BLOC1S3: variants seen among roughly 807,000 people sequenced by gnomAD.
BLOC1S3 encodes biogenesis of lysosomal organelles complex 1 subunit 3.
In BLOC1S3, 7 loss-of-function variants were observed where a neutral mutation model predicts 9.1. The ratio of observed to expected loss-of-function variants is 0.77; its 90% CI spans 0.44 to 1.45. The LOEUF (loss-of-function observed/expected upper bound fraction) is 1.45. Ranked by LOEUF, BLOC1S3 falls within the 40% of genes most tolerant of loss-of-function variation. The probability of loss-of-function intolerance (pLI) is 0.01; values close to 1 mark genes in which losing one functional copy is unlikely to be tolerated. For synonymous variants in BLOC1S3, 145 were observed against 158.4 expected (o/e 0.92, Z 0.64); for missense variants, 307 against 315.2 (o/e 0.97, Z 0.20).
downstream of BLOC1S3, among the ~76,000 whole-genome samples, chr19:45,182,452 G>C (rs1969532449): frequency 1.3e-5 from 2 of 150,456 alleles, no homozygotes; most frequent in Admixed American, 1.3e-4. Flanking sequence ...CAGATCACCT[G>C]AGGTCAGGAG....
intron 2 of BLOC1S3, among the ~76,000 whole-genome samples, chr19:45,193,392 A>G (rs1416168243): frequency 5.3e-5 from 8 of 151,958 alleles, no homozygotes; most frequent in Non-Finnish European, 1.0e-4. Context: ...TTGTTTGTAT[A>G]TTGGTTGTAT....
chr19:45,198,087 A>T (rs1969662567), intron 2 of BLOC1S3, among the ~76,000 whole-genome samples: 1 of 152,120 alleles, frequency 6.6e-6, no homozygotes, highest in South Asian at 2.1e-4. Flanking sequence ...CAAGGTCCCG[A>T]ACACTTGCAT....
intron 3 of BLOC1S3, chr19:45,216,250 C>A: frequency 6.3e-7 from 1 of 1,591,706 alleles, no homozygotes; most frequent in Non-Finnish European, 8.5e-7. Context: ...CCTGCCAATT[C>A]CTGCCCCTCC....
chr19:45,185,005 C>T (rs184942137), downstream of BLOC1S3, among the ~76,000 whole-genome samples: 108 of 148,348 alleles, frequency 7.3e-4, no homozygotes, highest in Non-Finnish European at 9.8e-4. Context: ...GGGGTCATGG[C>T]ATGTTTGTAT....
intron 3 of BLOC1S3, among the ~76,000 whole-genome samples, chr19:45,210,079 A>G (rs904253426): frequency 5.3e-5 from 8 of 152,182 alleles, no homozygotes; most frequent in Admixed American, 3.9e-4. Flanking sequence ...AATTATGCAC[A>G]TGAAAAACAT....
intron 3 of BLOC1S3, chr19:45,216,262 G>A (rs1162544979): frequency 8.3e-6 from 13 of 1,573,886 alleles, no homozygotes; most frequent in South Asian, 1.2e-5. Context: ...TGCCCCTCCT[G>A]GCTTGTTATA....
intron 3 of BLOC1S3, among the ~76,000 whole-genome samples, chr19:45,202,852 A>G (rs1969701394): frequency 6.6e-6 from 1 of 151,996 alleles, no homozygotes; most frequent in South Asian, 2.1e-4. Flanking sequence ...AGAGATCTTT[A>G]GTCAGCAAGT....
intron 3 of BLOC1S3, among the ~76,000 whole-genome samples, chr19:45,207,102 G>C (rs561580644): frequency 3.2e-4 from 49 of 151,838 alleles, no homozygotes; most frequent in African/African-American, 1.2e-3. Flanking sequence ...CTTCCAAAGT[G>C]CTGGGATGAC....
rs60192586 is a variant in BLOC1S3, at chr19:45,209,045, G to GTT, written n.282+6547_282+6548dup. Among the ~76,000 whole-genome samples, 5 of 148,394 alleles carry GTT rather than the reference G, an allele frequency of 3.4e-5. 1 individual carries two copies. In the South Asian group the frequency reaches 6.4e-4, roughly 19 times the overall value. Reference sequence around the variant, plus strand: ...TGCACAACATGGTGACTACAGTTTTGTTTTTTTTTTGTTGTTTGTTTGAGA... The same window carrying GTT: ...TGCACAACATGGTGACTACAGTTTTGTTTTTTTTTTTTGTTGTTTGTTTGAGA... On this transcript the variant is annotated intron_variant and non_coding_transcript_variant, in intron 3 of 3. Coordinates refer to the BLOC1S3 transcript ENST00000591569.
intron 2 of BLOC1S3, chr19:45,187,803 C>A (rs1445840949): frequency 6.6e-6 from 1 of 152,140 alleles, no homozygotes; most frequent in African/African-American, 2.4e-5. Context: ...ATGCCCCAGA[C>A]CCTAATACAA....
At chr19:45,212,935 G>T in intron 3 of BLOC1S3, 1 of 1,060,272 alleles carries the variant, frequency 9.4e-7, no homozygotes, top group Non-Finnish European at 1.3e-6. Flanking sequence ...TTGGGGTTGG[G>T]TGAAAAGACA....
chr19:45,179,244 G>C lies in BLOC1S3; in HGVS notation c.-9-44G>C. The stretch of plus-strand genomic sequence containing the variant: ...CCAGGACCTGCGCCTTTTACCCACC[G>C]CGGCGCCGGTCTCACGTGCAGTCCC... On this transcript the variant is annotated intron_variant, in intron 1 of 1. Coordinates refer to ENST00000433642, the MANE Select transcript of BLOC1S3 (RefSeq NM_212550.5). This position sits in a 1 kb window ranked among gnomAD's most constrained non-coding sequence, Gnocchi z 4.6. The C allele has an allele frequency of 6.8e-7, 1 of 1,463,960 alleles. No individual in the cohort carries two copies. Among genetic ancestry groups the C allele is most frequent in the Non-Finnish European group, 9.0e-7 (1 of 1,111,514 alleles). The allele number at this position is 1,463,960 out of a possible 1,614,324, so 90.7% of individuals were successfully genotyped here.
intron 2 of BLOC1S3, chr19:45,187,833 A>G (rs898929267): frequency 6.6e-6 from 1 of 152,156 alleles, no homozygotes; most frequent in Non-Finnish European, 1.5e-5. Flanking sequence ...GTATGTGCAC[A>G]TAACCTATGC....
At chr19:45,188,210 T>A (rs1362351742) in intron 2 of BLOC1S3, among the ~76,000 whole-genome samples, 4 of 151,962 alleles carry the variant, frequency 2.6e-5, no homozygotes, top group Non-Finnish European at 4.4e-5. Context: ...TTTAGTAGAG[T>A]CAAGGTTTCA....
intron 2 of BLOC1S3, among the ~76,000 whole-genome samples, chr19:45,199,916 C>G (rs1452816848): frequency 6.6e-6 from 1 of 152,010 alleles, no homozygotes; most frequent in South Asian, 2.1e-4. Context: ...CAGGCATGCA[C>G]CACCATGCCC....
intron 2 of BLOC1S3, chr19:45,198,773 C>T (rs1303936101): frequency 6.6e-6 from 1 of 152,274 alleles, no homozygotes; most frequent in Non-Finnish European, 1.5e-5. Flanking sequence ...CTCACTGCAA[C>T]CTGCACCTCC....
intron 3 of BLOC1S3, among the ~76,000 whole-genome samples, chr19:45,205,706 G>A (rs1969721116): frequency 6.6e-6 from 1 of 152,080 alleles, no homozygotes; most frequent in Admixed American, 6.6e-5. Flanking sequence ...GAAAAGATAA[G>A]CCAAACAGTG....
rs776189174 is a variant in BLOC1S3 at position 45,179,748 on chromosome 19, C to T, written c.452C>T (p.Ala151Val). Residue 151 changes from alanine to valine, a missense_variant, in exon 2 of 2, where the codon GCG (alanine) becomes GTG (valine). Transcript: ENST00000433642. The surrounding 1 kb of genome is among the most constrained non-coding windows in gnomAD (Gnocchi z 4.6). ...ALASRLAAAQ[A>V]AGLAAAHSVR... Reference sequence around the variant, plus strand: ...GCTAGTAGGCTGGCGGCAGCCCAGGCGGCGGGGCTGGCGGCGGCCCACAGC... The same window carrying T: ...GCTAGTAGGCTGGCGGCAGCCCAGGTGGCGGGGCTGGCGGCGGCCCACAGC... 1.7e-5 allele frequency: 25 copies of T among 1,466,396 alleles called. No homozygotes were observed. In the South Asian group the frequency reaches 3.2e-4, roughly 19 times the overall value. The allele number at this position is 1,466,396 out of a possible 1,614,324, so 90.8% of individuals were successfully genotyped here.
intron 3 of BLOC1S3, among the ~76,000 whole-genome samples, chr19:45,210,952 CAAAT>C (rs973996679): frequency 6.6e-6 from 1 of 151,874 alleles, no homozygotes; most frequent in Non-Finnish European, 1.5e-5. Context: ...CTTTACAAAA[CAAAT>C]AAAATATTAG....
Sources: gnomAD v4.1 joint callset for allele counts (sites outside exome capture counted in the v4.1 genomes callset) on GRCh38, gnomAD v4.1.1 for gene constraint, Gnocchi (gnomAD v3.1) non-coding constraint, MANE v1.5 for transcripts, NCBI Gene and HGNC (gene_info 2026-07-23, HGNC 2026-07-21) for gene names.